The following LHFPL4 variants were observed in gnomAD, a reference collection of about 807,000 sequenced individuals.
LHFPL4 encodes LHFPL tetraspan subfamily member 4 protein.
Under a neutral mutation model 20.0 loss-of-function variants are expected in LHFPL4, and 6 were observed. That is an observed-to-expected ratio of 0.30 (90% CI 0.16 to 0.59). The LOEUF (loss-of-function observed/expected upper bound fraction) is 0.59. Ranked by LOEUF, LHFPL4 falls within the 20% of genes least tolerant of loss-of-function variation. The pLI is 0.88. For synonymous variants in LHFPL4, 129 were observed against 143.8 expected (o/e 0.90, Z 0.74); for missense variants, 215 against 331.2 (o/e 0.65, Z 2.72).
chr3:9,537,122 T>C (rs1198898313), intron 2 of LHFPL4, among the ~76,000 whole-genome samples: 1 of 151,922 alleles, frequency 6.6e-6, no homozygotes, highest in Non-Finnish European at 1.5e-5. Context: ...TACTTAACTC[T>C]CTCTTCATGG....
chr3:9,536,959 G>T (rs540053655), intron 2 of LHFPL4, among the ~76,000 whole-genome samples: 1 of 151,438 alleles, frequency 6.6e-6, no homozygotes. Context: ...GGTAGTGCGC[G>T]CCTGCAGTCC....
chr3:9,514,248 C>T lies in LHFPL4; in HGVS notation c.407-8045G>A, dbSNP rs377005902. On this transcript the variant is annotated intron_variant, in intron 2 of 3. Transcript: ENST00000287585. ...CTTGAGCCCAGAAGTTCAAGACCAG[C>T]ATAGCAAGACTCTTGTTTCCACAAA... Among the ~76,000 whole-genome samples the T allele has an allele frequency of 1.4e-3, 210 of 152,186 alleles. 1 individual carries two copies. Among genetic ancestry groups the T allele is most frequent in the African/African-American group, 4.9e-3 (202 of 41,534 alleles).
rs967678184 is a variant in LHFPL4, at chr3:9,510,750, C to T, written c.407-4547G>A. On this transcript the variant is annotated intron_variant, in intron 2 of 3. Transcript: ENST00000287585. ...GTCAGGAGTTCGAGACCAGCCTGGT[C>T]AACATGGTGAAACCCCATCTCTACT... 3.8e-4 allele frequency among the ~76,000 whole-genome samples: 58 copies of T among 151,368 alleles called. 1 individual carries two copies. Among genetic ancestry groups the T allele is most frequent in the African/African-American group, 1.4e-3 (57 of 41,220 alleles).
chr3:9,522,153 T>TATC (rs1241069828), intron 2 of LHFPL4, among the ~76,000 whole-genome samples: 1 of 151,768 alleles, frequency 6.6e-6, no homozygotes, highest in African/African-American at 2.4e-5. Context: ...ACAAGTACCT[T>TATC]ATTATTATTG....
intron 2 of LHFPL4, among the ~76,000 whole-genome samples, chr3:9,523,299 T>TGAACCTGG (rs1422920242): frequency 9.3e-5 from 14 of 150,770 alleles, no homozygotes; most frequent in Non-Finnish European, 1.9e-4. Context: ...GAGAATCGCT[T>TGAACCTGG]GAACCTGGGA....
chr3:9,513,023 G>A (rs2046271359), intron 2 of LHFPL4, among the ~76,000 whole-genome samples: 1 of 151,702 alleles, frequency 6.6e-6, no homozygotes, highest in Non-Finnish European at 1.5e-5. Flanking sequence ...CAGTGGCCGC[G>A]ATCTCGGCTC....
At chr3:9,521,401 T>C (rs963046538) in intron 2 of LHFPL4, among the ~76,000 whole-genome samples, 6 of 149,768 alleles carry the variant, frequency 4.0e-5, no homozygotes, top group Non-Finnish European at 5.9e-5. Flanking sequence ...ATTTTTTTTC[T>C]ACTTTTTTTT....
chr3:9,540,268 T>C lies in LHFPL4; in HGVS notation c.406+12006A>G, dbSNP rs1001205950. Among the ~76,000 whole-genome samples, 5 of 152,332 alleles carry C rather than the reference T, an allele frequency of 3.3e-5. No homozygotes were observed. The East Asian group carries it at 9.6e-4, about 29-fold the overall frequency. On this transcript the variant is annotated intron_variant, in intron 2 of 3. Coordinates refer to ENST00000287585, the MANE Select transcript of LHFPL4 (RefSeq NM_198560.3). ...AAAGGTGGCTCTTTATACACTGATA[T>C]GGAACTATCTCCAAGATGTATTGTT...
rs767997917 is a variant in LHFPL4, at chr3:9,552,394, C to T, written c.286G>A (p.Ala96Thr). The T allele has an allele frequency of 6.2e-7, 1 of 1,613,916 alleles. No individual in the cohort carries two copies. Among genetic ancestry groups the T allele is most frequent in the East Asian group, 2.2e-5 (1 of 44,872 alleles). Residue 96 changes from alanine to threonine, a missense_variant, in exon 2 of 4, where the codon GCC (alanine) becomes ACC (threonine). Ala to Thr is a moderately conservative substitution (Grantham distance 58, BLOSUM62 0). This residue lies in a region of LHFPL4 where 164 missense variants were observed against 286.7 expected (regional missense o/e 0.57). Coordinates refer to ENST00000287585, the MANE Select transcript of LHFPL4 (RefSeq NM_198560.3). ...TIPSSAFKAA[A>T]FFVLLSMVLI... ...ACCATGGAGAGCAGCACGAAGAAGG[C>T]GGCCGCCTTGAAGGCGCTGGACGGG...
At chr3:9,503,490 G>T (rs1183245226) in intron 3 of LHFPL4, among the ~76,000 whole-genome samples, 1 of 152,178 alleles carries the variant, frequency 6.6e-6, no homozygotes, top group Non-Finnish European at 1.5e-5. Context: ...CAGGTTAGCA[G>T]ATCAGCATCC....
At chr3:9,549,466 C>T (rs952947630) in intron 2 of LHFPL4, among the ~76,000 whole-genome samples, 7 of 152,272 alleles carry the variant, frequency 4.6e-5, no homozygotes, top group Non-Finnish European at 8.8e-5. Flanking sequence ...GAGGCTGAGG[C>T]GGGTGGATCA....
chr3:9,530,088 T>G (rs1438749346), intron 2 of LHFPL4, among the ~76,000 whole-genome samples: 1 of 152,168 alleles, frequency 6.6e-6, no homozygotes, highest in Non-Finnish European at 1.5e-5. Flanking sequence ...GCCCTAGAAT[T>G]TTCACGTGGT....
At chr3:9,541,221 C>T (rs1012972087) in intron 2 of LHFPL4, among the ~76,000 whole-genome samples, 2 of 152,032 alleles carry the variant, frequency 1.3e-5, no homozygotes, top group African/African-American at 4.8e-5. Context: ...GGGTTACAGG[C>T]GTGAGCCACC....
chr3:9,536,567 C>T (rs1360573508), intron 2 of LHFPL4, among the ~76,000 whole-genome samples: 3 of 152,210 alleles, frequency 2.0e-5, no homozygotes, highest in Non-Finnish European at 2.9e-5. Flanking sequence ...TGACCTTCCT[C>T]CCTGATTACC....
At chr3:9,523,987 C>T (rs987805978) in intron 2 of LHFPL4, among the ~76,000 whole-genome samples, 13 of 137,404 alleles carry the variant, frequency 9.5e-5, no homozygotes, top group African/African-American at 1.9e-4. Context: ...AGTATTTCCC[C>T]CCCCCCCAAC....
chr3:9,552,474 C>T lies in LHFPL4; in HGVS notation c.206G>A (p.Gly69Glu). The T allele has an allele frequency of 6.2e-7, 1 of 1,613,138 alleles. No homozygotes were observed. Among genetic ancestry groups the T allele is most frequent in the African/African-American group, 1.3e-5 (1 of 75,050 alleles). Reference protein sequence around the residue: ...FGLFHYCVGSGLAGRELTCRG... With the variant: ...FGLFHYCVGSELAGRELTCRG... ...GCAGGTGAGCTCGCGGCCCGCCAGC[C>T]CGCTGCCCACGCAGTAGTGGAAGAG... The change falls in exon 2 of 4, where the codon GGG becomes GAG. Residue 69 changes from glycine (G) to glutamate (E), a missense_variant. This residue lies in a region of LHFPL4 where 164 missense variants were observed against 286.7 expected (regional missense o/e 0.57). Transcript: ENST00000287585.
At chr3:9,522,364 C>T (rs1271279730) in intron 2 of LHFPL4, among the ~76,000 whole-genome samples, 2 of 152,034 alleles carry the variant, frequency 1.3e-5, no homozygotes, top group African/African-American at 4.8e-5. Flanking sequence ...CATAAATAAG[C>T]GTGCGTGTGT....
rs1306142774 is a variant in LHFPL4, at chr3:9,502,139, A to G, written c.*72T>C. Reference sequence around the variant, plus strand: ...ATCAGGGTCTTCCCTCAGAGCTTGAATGGAGTGACGAGAGGGCAGAAGGCA... The same window carrying G: ...ATCAGGGTCTTCCCTCAGAGCTTGAGTGGAGTGACGAGAGGGCAGAAGGCA... On this transcript the variant is annotated 3_prime_UTR_variant, in exon 4 of 4. Coordinates refer to ENST00000287585, the MANE Select transcript of LHFPL4 (RefSeq NM_198560.3). 1 of 1,074,708 alleles carries G rather than the reference A, an allele frequency of 9.3e-7. No individual in the cohort carries two copies. Among genetic ancestry groups the G allele is most frequent in the Non-Finnish European group, 1.4e-6 (1 of 695,554 alleles). The allele number at this position is 1,074,708 out of a possible 1,614,324, so 66.6% of individuals were successfully genotyped here. A position where few individuals can be genotyped will look rare whatever the true frequency, so the allele number is the denominator to read the frequency against.
chr3:9,518,515 C>T (rs2046317694), intron 2 of LHFPL4, among the ~76,000 whole-genome samples: 1 of 152,130 alleles, frequency 6.6e-6, no homozygotes. Context: ...TGGCAGAATT[C>T]ACCAGTGAAC....
Sources: gnomAD v4.1 joint callset for allele counts (sites outside exome capture counted in the v4.1 genomes callset) on GRCh38, gnomAD v4.1.1 for gene constraint, gnomAD v4.1.1 regional missense constraint, MANE v1.5 for transcripts, NCBI Gene and HGNC (gene_info 2026-07-23, HGNC 2026-07-21) for gene names.